The following TJP1 variants were observed in gnomAD, a reference collection of about 807,000 sequenced individuals.
TJP1 encodes tight junction protein ZO-1.
A neutral mutation model predicts 194.2 loss-of-function variants in TJP1; 43 were observed. The observed-to-expected ratio is 0.22, with a 90% CI of 0.17 to 0.29. TJP1 has a LOEUF of 0.29. Ranked by LOEUF, TJP1 falls within the 10% of genes least tolerant of loss-of-function variation. TJP1 has a pLI of 1.00. For synonymous variants in TJP1, 801 were observed against 779.0 expected (o/e 1.03, Z -0.47); for missense variants, 1,971 against 2,185.7 (o/e 0.90, Z 1.96).
chr15:29,780,824 TAAGAGA>T (rs933622877), intron 2 of TJP1, among the ~76,000 whole-genome samples: 11 of 151,864 alleles, frequency 7.2e-5, no homozygotes, highest in African/African-American at 2.2e-4. Context: ...AAAAACATCT[TAAGAGA>T]AAAAGTAAAA....
chr15:29,850,790 C>T (rs1054874428), intron 2 of TJP1, among the ~76,000 whole-genome samples: 9 of 151,178 alleles, frequency 6.0e-5, no homozygotes, highest in Non-Finnish European at 8.9e-5. Flanking sequence ...GAGACCAGCC[C>T]GGGGGGTAAC....
chr15:29,907,920 A>G (rs1026632749), intron 2 of TJP1, among the ~76,000 whole-genome samples: 2 of 151,886 alleles, frequency 1.3e-5, no homozygotes, highest in Non-Finnish European at 2.9e-5. Context: ...CATTCCTCTT[A>G]TCATTTTCTG....
intron 2 of TJP1, among the ~76,000 whole-genome samples, chr15:29,849,630 T>C (rs1267148431): frequency 6.6e-6 from 1 of 151,506 alleles, no homozygotes; most frequent in Admixed American, 6.6e-5. Context: ...TCCTAGCTAC[T>C]CAGGAGGCTG....
At chr15:29,960,742 T>C (rs887513594) in intron 1 of TJP1, among the ~76,000 whole-genome samples, 1 of 152,102 alleles carries the variant, frequency 6.6e-6, no homozygotes. Flanking sequence ...AGATGGTACC[T>C]TGTCTAAGAA....
chr15:29,878,664 T>C (rs2052804835), intron 2 of TJP1, among the ~76,000 whole-genome samples: 1 of 152,138 alleles, frequency 6.6e-6, no homozygotes, highest in Non-Finnish European at 1.5e-5. Flanking sequence ...TTTAGTTTCA[T>C]AGCTCTGTAT....
intron 2 of TJP1, among the ~76,000 whole-genome samples, chr15:29,795,221 C>G (rs1376273361): frequency 6.6e-6 from 1 of 151,970 alleles, no homozygotes; most frequent in East Asian, 1.9e-4. Context: ...GTCAGGAGTT[C>G]AAGACCAGCC....
intron 2 of TJP1, among the ~76,000 whole-genome samples, chr15:29,917,251 A>G (rs1032291964): frequency 6.6e-6 from 1 of 152,204 alleles, no homozygotes; most frequent in African/African-American, 2.4e-5. Context: ...CAATAAGATA[A>G]ACTGAATCGC....
intron 2 of TJP1, among the ~76,000 whole-genome samples, chr15:29,850,876 G>A (rs1273404028): frequency 3.3e-5 from 5 of 151,976 alleles, no homozygotes; most frequent in East Asian, 3.9e-4. Flanking sequence ...AGTGGCTCAC[G>A]CCTGTAATCC....
At position 29,886,941 on chromosome 15, in the gene TJP1, G is replaced by T. The variant is rs75385826; in HGVS notation, c.306+69291C>A. Among the ~76,000 whole-genome samples the T allele has an allele frequency of 2.4e-3, 369 of 151,864 alleles. 2 individuals carry two copies. Among genetic ancestry groups the T allele is most frequent in the African/African-American group, 8.6e-3 (358 of 41,410 alleles). Reference sequence around the variant, plus strand: ...AAAACAAACAGGAAAGAACAACAAAGAAAATTTTGCAGAAGAGTCCTGCAG... The same window carrying T: ...AAAACAAACAGGAAAGAACAACAAATAAAATTTTGCAGAAGAGTCCTGCAG... On this transcript the variant is annotated intron_variant, in intron 2 of 28. Coordinates refer to the TJP1 transcript ENST00000356107.
rs71416442 is a variant in TJP1 at position 29,953,140 on chromosome 15, A to ATTTTTT, written c.306+3086_306+3091dup. On this transcript the variant is annotated intron_variant, in intron 2 of 28. Transcript: ENST00000356107. ...TTCCTTCTTTCATAAAAGAAGACAGATTTTTTTTTTTTTTTTTTTGCAACG... is the reference window on the plus strand; with the variant it reads ...TTCCTTCTTTCATAAAAGAAGACAGATTTTTTTTTTTTTTTTTTTTTTTTTGCAACG... 3.1e-3 allele frequency among the ~76,000 whole-genome samples: 345 copies of ATTTTTT among 110,968 alleles called. 58 individuals carry two copies. Among genetic ancestry groups the ATTTTTT allele is most frequent in the East Asian group, 0.019 (50 of 2,606 alleles). 72.8% of individuals were successfully genotyped at this position (110,968 alleles called of 152,430 possible).
intron 8 of TJP1, among the ~76,000 whole-genome samples, chr15:29,752,101 CTT>C (rs199750785): frequency 2.2e-4 from 31 of 143,738 alleles, no homozygotes; most frequent in African/African-American, 7.3e-4. Context: ...GCTAAATACA[CTT>C]TTTTTTTTTT....
chr15:29,850,662 T>G (rs1567133310), intron 2 of TJP1, among the ~76,000 whole-genome samples: 2 of 151,264 alleles, frequency 1.3e-5, no homozygotes, highest in Admixed American at 6.6e-5. Flanking sequence ...AGCCACCAAC[T>G]TTTGTTATAT....
chr15:29,938,795 G>C (rs146474910), intron 2 of TJP1, among the ~76,000 whole-genome samples: 3 of 152,294 alleles, frequency 2.0e-5, no homozygotes, highest in African/African-American at 7.2e-5. Flanking sequence ...GTAGAGTTAT[G>C]GTGGGCAAGA....
intron 2 of TJP1, among the ~76,000 whole-genome samples, chr15:29,834,440 G>C (rs1353977684): frequency 6.6e-6 from 1 of 151,388 alleles, no homozygotes; most frequent in Non-Finnish European, 1.5e-5. Context: ...GGCTGTTCTT[G>C]AACTCCTGAC....
rs531877369 is a variant in TJP1 at position 29,761,855 on chromosome 15, C to T, written c.694-86G>A. ...TTTGTTATAAACAGAAATATCCAAACCACTCCTTGCTATGAAAACCAAAAT... is the reference window on the plus strand; with the variant it reads ...TTTGTTATAAACAGAAATATCCAAATCACTCCTTGCTATGAAAACCAAAAT... On this transcript the variant is annotated intron_variant, in intron 6 of 27. Coordinates refer to ENST00000614355, the MANE Select transcript of TJP1 (RefSeq NM_001330239.4). 3.8e-6 allele frequency: 5 copies of T among 1,309,262 alleles called. No homozygotes were observed. The South Asian group carries it at 8.0e-5, about 21-fold the overall frequency. 81.1% of individuals were successfully genotyped at this position (1,309,262 alleles called of 1,614,324 possible). A position where few individuals can be genotyped will look rare whatever the true frequency, so the allele number is the denominator to read the frequency against.
chr15:29,763,831 C>T (rs982929667), intron 5 of TJP1, among the ~76,000 whole-genome samples: 1 of 151,244 alleles, frequency 6.6e-6, no homozygotes, highest in Non-Finnish European at 1.5e-5. Flanking sequence ...ACAAAGAGTA[C>T]TCACAGCCAG....
At chr15:29,908,396 T>C (rs754293528) in intron 2 of TJP1, among the ~76,000 whole-genome samples, 13 of 152,228 alleles carry the variant, frequency 8.5e-5, no homozygotes, top group Non-Finnish European at 1.5e-4. Context: ...CCTACAAAAT[T>C]AGAAGAACAA....
intron 2 of TJP1, among the ~76,000 whole-genome samples, chr15:29,842,923 T>A (rs16955795): frequency 0.07 from 10,616 of 152,242 alleles, 434 homozygotes; most frequent in African/African-American, 0.12. Context: ...CTACATGGTG[T>A]CTACAGGTGG....
chr15:29,766,288 C>T lies in TJP1; in HGVS notation c.567G>A (p.Leu189=), dbSNP rs1426435636. 5 of 1,611,084 alleles carry T rather than the reference C, an allele frequency of 3.1e-6. No individual in the cohort carries two copies. The change falls in exon 5 of 28, where the codon CTG becomes CTA. Residue 189 remains leucine (L), a synonymous_variant. Transcript: ENST00000614355. ...TACCTTCATTTTTCCGGGATTTCAC[C>T]AGTGTGACTTTAGTAGGTTTAGCAG... The part of the protein sequence containing the change: ...SQPAKPTKVT[L]VKSRKNEEYG...
Sources: gnomAD v4.1 joint callset for allele counts (sites outside exome capture counted in the v4.1 genomes callset) on GRCh38, gnomAD v4.1.1 for gene constraint, MANE v1.5 for transcripts, NCBI Gene and HGNC (gene_info 2026-07-23, HGNC 2026-07-21) for gene names.